Variants in CELF2 observed in about 807,000 individuals in gnomAD.
CELF2 encodes the protein CUG triplet repeat RNA-binding protein 2.
CELF2 carries 8 observed loss-of-function variants against 62.6 expected under a neutral mutation model. The ratio of observed to expected loss-of-function variants is 0.13; its 90% CI spans 0.07 to 0.23. The LOEUF (loss-of-function observed/expected upper bound fraction) is 0.23. CELF2 is among the 10% of genes least tolerant of loss of function. CELF2 has a pLI of 1.00. For missense variants in CELF2, 333 were observed against 671.0 expected (o/e 0.50, Z 5.56); for synonymous variants, 258 against 250.0 (o/e 1.03, Z -0.30).
the CELF2 span, among the ~76,000 whole-genome samples, chr10:10,772,146 G>A: frequency 6.6e-6 from 1 of 151,898 alleles, no homozygotes; most frequent in Non-Finnish European, 1.5e-5. Context: ...CTTACCGGAA[G>A]TATTATTATA....
chr10:10,668,704 C>A, the CELF2 span, among the ~76,000 whole-genome samples: 3 of 152,020 alleles, frequency 2.0e-5, no homozygotes, highest in African/African-American at 7.2e-5. Flanking sequence ...ATGCCTGTAA[C>A]CCCAGCACTT....
At chr10:10,617,694 C>T in the CELF2 span, among the ~76,000 whole-genome samples, 1 of 137,838 alleles carries the variant, frequency 7.3e-6, no homozygotes, top group Non-Finnish European at 1.6e-5. Flanking sequence ...CTCTAAAGGG[C>T]CTTAGGCTTT....
rs150054618 is a variant in CELF2, at chr10:10,990,968, CGTGT to C, written c.89+70987_89+70990del. Among the ~76,000 whole-genome samples the C allele has an allele frequency of 8.3e-4, 123 of 148,564 alleles. No homozygotes were observed. The highest frequency in any genetic ancestry group is 2.6e-3 in the African/African-American group (104 of 40,618). On this transcript the variant is annotated intron_variant, in intron 2 of 13. Transcript: ENST00000636488. The surrounding 1 kb of genome is among the most constrained non-coding windows in gnomAD (Gnocchi z 4.6). ...ACAGCATCTTTTTGAGGTTCTTTTGCGTGTGTGTGTGTGTGTGTGTGCCCACACG... is the reference window on the plus strand; with the variant it reads ...ACAGCATCTTTTTGAGGTTCTTTTGCGTGTGTGTGTGTGTGTGCCCACACG...
the CELF2 span, among the ~76,000 whole-genome samples, chr10:10,564,505 C>T: frequency 0.011 from 1,738 of 152,166 alleles, 62 homozygotes; most frequent in East Asian, 0.097. Flanking sequence ...GGAATTATGA[C>T]TATGTAAAAG....
intron 2 of CELF2, among the ~76,000 whole-genome samples, chr10:10,969,937 A>G (rs1298542768): frequency 6.6e-6 from 1 of 152,144 alleles, no homozygotes; most frequent in Admixed American, 6.5e-5. Context: ...TGGGATGGGG[A>G]GGAACTTTCT....
chr10:10,833,656 G>C (rs10905841), intron 1 of CELF2, among the ~76,000 whole-genome samples: 40 of 152,038 alleles, frequency 2.6e-4, no homozygotes, highest in Non-Finnish European at 5.3e-4. Flanking sequence ...ATGTGAACAC[G>C]AACAGTCACT....
At chr10:11,308,456 A>G (rs898670858) in intron 9 of CELF2, among the ~76,000 whole-genome samples, 12 of 151,872 alleles carry the variant, frequency 7.9e-5, no homozygotes, top group African/African-American at 2.4e-4. Context: ...TTTTCTTTCC[A>G]TCCTTTAGAT....
chr10:11,024,892 A>G (rs907863404), intron 1 of CELF2, among the ~76,000 whole-genome samples: 1 of 152,232 alleles, frequency 6.6e-6, no homozygotes, highest in Admixed American at 6.5e-5. Flanking sequence ...TTCTGGTACC[A>G]TAACAGTGTA....
In CELF2 at chr10:11,165,004, C is replaced by T; in HGVS notation, c.75-482C>T. On this transcript the variant is annotated intron_variant, in intron 1 of 12. Coordinates refer to ENST00000633077, the MANE Select transcript of CELF2 (RefSeq NM_001326342.2). This position sits in a 1 kb window ranked among gnomAD's most constrained non-coding sequence, Gnocchi z 7.4. ...CCATGTGACTTTATTATTACCACCT[C>T]TCTCCTCTCTTCCAAAAACCTCCCA... 1 of 943,862 alleles carries T rather than the reference C, an allele frequency of 1.1e-6. No homozygotes were observed. The highest frequency in any genetic ancestry group is 1.3e-6 in the Non-Finnish European group (1 of 791,566). The allele number at this position is 943,862 out of a possible 1,614,324, so 58.5% of individuals were successfully genotyped here. A position where few individuals can be genotyped will look rare whatever the true frequency, so the allele number is the denominator to read the frequency against.
At chr10:10,620,290 C>G in the CELF2 span, among the ~76,000 whole-genome samples, 451 of 151,610 alleles carry the variant, frequency 3.0e-3, 2 homozygotes, top group Non-Finnish European at 4.5e-3. Flanking sequence ...CCCAGCTACA[C>G]AGGAGGCTGA....
At chr10:10,907,421 G>C (rs2063438937) in intron 1 of CELF2, among the ~76,000 whole-genome samples, 1 of 152,146 alleles carries the variant, frequency 6.6e-6, no homozygotes, top group Non-Finnish European at 1.5e-5. Context: ...TATTACAAAT[G>C]TGCTTTTAAA....
chr10:10,535,847 A>G, the CELF2 span, among the ~76,000 whole-genome samples: 2 of 152,174 alleles, frequency 1.3e-5, no homozygotes, highest in Non-Finnish European at 2.9e-5. Flanking sequence ...CTCCTGGTTT[A>G]CTAAATATCA....
At chr10:11,056,312 T>C (rs1006795361) in intron 1 of CELF2, among the ~76,000 whole-genome samples, 2 of 152,182 alleles carry the variant, frequency 1.3e-5, no homozygotes, top group Non-Finnish European at 2.9e-5. Flanking sequence ...AGGAAATGAG[T>C]GGTTCGATGT....
chr10:10,770,236 A>T, the CELF2 span, among the ~76,000 whole-genome samples: 1 of 152,008 alleles, frequency 6.6e-6, no homozygotes, highest in Non-Finnish European at 1.5e-5. Flanking sequence ...TTGACATCTC[A>T]TAGAACATTC....
intron 2 of CELF2, among the ~76,000 whole-genome samples, chr10:10,945,492 T>C (rs1443801248): frequency 6.6e-6 from 1 of 152,262 alleles, no homozygotes; most frequent in East Asian, 1.9e-4. Context: ...TGATTTCCAG[T>C]TTACACCACA....
chr10:10,801,800 A>C (rs1250718976), intron 1 of CELF2, among the ~76,000 whole-genome samples: 1 of 152,234 alleles, frequency 6.6e-6, no homozygotes, highest in African/African-American at 2.4e-5. Flanking sequence ...ATCAAAAGGC[A>C]CAATTTTAAA....
chr10:10,620,708 C>G, the CELF2 span, among the ~76,000 whole-genome samples: 21 of 151,422 alleles, frequency 1.4e-4, no homozygotes, highest in Middle Eastern at 6.8e-3. Flanking sequence ...TGAGACTATC[C>G]TGGCTAACAC....
intron 2 of CELF2, among the ~76,000 whole-genome samples, chr10:11,184,093 A>G (rs1431004561): frequency 6.6e-6 from 1 of 152,306 alleles, no homozygotes; most frequent in South Asian, 2.1e-4. Flanking sequence ...TATATTCAGC[A>G]TGAATTATTT....
the CELF2 span, among the ~76,000 whole-genome samples, chr10:10,736,236 A>C: frequency 6.6e-6 from 1 of 152,180 alleles, no homozygotes; most frequent in Admixed American, 6.5e-5. Context: ...GGCTCATGAA[A>C]GTCTTCTTGC....
Sources: gnomAD v4.1 joint callset for allele counts (sites outside exome capture counted in the v4.1 genomes callset) on GRCh38, gnomAD v4.1.1 for gene constraint, Gnocchi (gnomAD v3.1) non-coding constraint, MANE v1.5 for transcripts, NCBI Gene and HGNC (gene_info 2026-07-23, HGNC 2026-07-21) for gene names.